KIAA0825: variants seen among roughly 807,000 people sequenced by gnomAD.
KIAA0825 encodes uncharacterized protein KIAA0825.
In KIAA0825, 119 loss-of-function variants were observed where a neutral mutation model predicts 147.6. The ratio of observed to expected loss-of-function variants is 0.81; its 90% CI spans 0.69 to 0.94. The LOEUF (loss-of-function observed/expected upper bound fraction) is 0.94, where lower values mean the gene tolerates loss of function less well. KIAA0825 is among the 40% of genes least tolerant of loss of function. KIAA0825 has a pLI of 0.00. For synonymous variants in KIAA0825, 470 were observed against 518.1 expected (o/e 0.91, Z 1.26); for missense variants, 1,381 against 1,472.7 (o/e 0.94, Z 1.02).
chr5:94,615,735 T>C (rs187196000), intron 1 of KIAA0825: 2 of 152,118 alleles, frequency 1.3e-5, no homozygotes, highest in African/African-American at 4.8e-5. Flanking sequence ...TAAATATTTA[T>C]TTATGTGGTA....
intron 6 of KIAA0825, among the ~76,000 whole-genome samples, chr5:94,477,430 C>A (rs920267865): frequency 6.6e-6 from 1 of 151,646 alleles, no homozygotes; most frequent in African/African-American, 2.4e-5. Context: ...AGATAGAGTC[C>A]TTTTTCACAT....
chr5:94,348,854 A>T (rs1295851328), intron 20 of KIAA0825, among the ~76,000 whole-genome samples: 1 of 152,196 alleles, frequency 6.6e-6, no homozygotes, highest in Admixed American at 6.5e-5. Flanking sequence ...ATCACACAGG[A>T]CCTATAAAAC....
chr5:94,514,629 G>A (rs1032516828), intron 5 of KIAA0825, among the ~76,000 whole-genome samples: 6 of 152,174 alleles, frequency 3.9e-5, no homozygotes, highest in East Asian at 1.9e-4. Context: ...TATAAAATAG[G>A]GACAATATCC....
At chr5:94,486,741 A>G (rs1000784189) in intron 5 of KIAA0825, among the ~76,000 whole-genome samples, 8 of 152,210 alleles carry the variant, frequency 5.3e-5, no homozygotes, top group Middle Eastern at 6.8e-3. Flanking sequence ...GAGAACACAC[A>G]TATTATGTTT....
At chr5:94,473,094 A>G (rs922789493) in intron 8 of KIAA0825, among the ~76,000 whole-genome samples, 198 bp downstream of exon 8, 2 of 152,176 alleles carry the variant, frequency 1.3e-5, no homozygotes, top group African/African-American at 4.8e-5. Context: ...TCATGGAGCA[A>G]CAAGTTAGCA....
At chr5:94,368,937 C>T (rs78557703) in intron 20 of KIAA0825, among the ~76,000 whole-genome samples, 1,726 of 152,052 alleles carry the variant, frequency 0.011, 31 homozygotes, top group African/African-American at 0.04. Context: ...GGAGGTTGAG[C>T]CAAGCAGACT....
At position 94,484,808 on chromosome 5, in the gene KIAA0825, C is replaced by T. The variant is rs749860439; in HGVS notation, c.1093G>A (p.Glu365Lys). 6.0e-6 allele frequency: 9 copies of T among 1,512,324 alleles called. No individual in the cohort carries two copies. Among genetic ancestry groups the T allele is most frequent in the African/African-American group, 5.5e-5 (4 of 72,186 alleles). The allele number at this position is 1,512,324 out of a possible 1,614,324, so 93.7% of individuals were successfully genotyped here. A position where few individuals can be genotyped will look rare whatever the true frequency, so the allele number is the denominator to read the frequency against. ...GTTATCTTGAGTGATAAAAGTATTT[C>T]GTCAAACAATTCTTGAACACCTTTT... is the stretch of plus-strand genomic sequence containing the variant. The part of the protein sequence containing the change: ...LEKGVQELFD[E>K]ILLSLKITRD... Residue 365 changes from glutamate to lysine, a missense_variant, in exon 6 of 21, where the codon GAA (glutamate) becomes AAA (lysine). Coordinates refer to ENST00000682413, the MANE Select transcript of KIAA0825 (RefSeq NM_001145678.3).
intron 20 of KIAA0825, among the ~76,000 whole-genome samples, chr5:94,354,429 A>G (rs1784029596): frequency 2.6e-5 from 4 of 152,130 alleles, no homozygotes; most frequent in Admixed American, 2.6e-4. Flanking sequence ...CAAAACAGAG[A>G]TTGACAAGGA....
intron 20 of KIAA0825, among the ~76,000 whole-genome samples, chr5:94,260,914 A>G (rs1298775679): frequency 6.6e-6 from 1 of 152,186 alleles, no homozygotes; most frequent in Non-Finnish European, 1.5e-5. Flanking sequence ...GTTAATTAAA[A>G]TGTTATATTT....
At chr5:94,475,002 T>C (rs1212281073) in intron 7 of KIAA0825, among the ~76,000 whole-genome samples, 3 of 151,566 alleles carry the variant, frequency 2.0e-5, no homozygotes, top group Admixed American at 2.0e-4. Context: ...GGCAGGAGAA[T>C]CGCTGGAACC....
At chr5:94,275,425 A>C (rs927811825) in intron 20 of KIAA0825, among the ~76,000 whole-genome samples, 4 of 152,190 alleles carry the variant, frequency 2.6e-5, no homozygotes, top group Non-Finnish European at 5.9e-5. Context: ...GATAAACTTT[A>C]GATAGCCTAT....
At chr5:94,457,568 C>T (rs1714465252) in intron 12 of KIAA0825, among the ~76,000 whole-genome samples, 1 of 152,184 alleles carries the variant, frequency 6.6e-6, no homozygotes, top group African/African-American at 2.4e-5. Flanking sequence ...GGCCTCTGTG[C>T]CGACCACGCC....
chr5:94,205,495 G>C (rs1356352161), intron 20 of KIAA0825, among the ~76,000 whole-genome samples: 1 of 151,702 alleles, frequency 6.6e-6, no homozygotes, highest in Non-Finnish European at 1.5e-5. Flanking sequence ...GTTTCACCAT[G>C]TTAGCCAGGA....
At chr5:94,212,992 A>T (rs978549828) in intron 20 of KIAA0825, among the ~76,000 whole-genome samples, 1 of 152,228 alleles carries the variant, frequency 6.6e-6, no homozygotes, top group Non-Finnish European at 1.5e-5. Context: ...TATAAAATAC[A>T]TTATGTACAT....
chr5:94,173,119 C>G (rs989151569), intron 20 of KIAA0825, among the ~76,000 whole-genome samples: 1 of 151,896 alleles, frequency 6.6e-6, no homozygotes, highest in African/African-American at 2.4e-5. Context: ...AGACAATTAG[C>G]GACACTTCTA....
chr5:94,401,377 C>T (rs1004598292), intron 16 of KIAA0825, among the ~76,000 whole-genome samples: 1 of 152,042 alleles, frequency 6.6e-6, no homozygotes, highest in African/African-American at 2.4e-5. Flanking sequence ...ATTCCCAGCA[C>T]TAGTTTTAAA....
At chr5:94,489,937 A>G (rs1186216267) in intron 5 of KIAA0825, among the ~76,000 whole-genome samples, 2 of 152,018 alleles carry the variant, frequency 1.3e-5, no homozygotes, top group Non-Finnish European at 2.9e-5. Flanking sequence ...TAGTAGCTAG[A>G]AAATCATGGA....
chr5:94,290,642 T>C (rs1267982899), intron 20 of KIAA0825, among the ~76,000 whole-genome samples: 1 of 152,250 alleles, frequency 6.6e-6, no homozygotes, highest in East Asian at 1.9e-4. Context: ...CCTTTGGGTA[T>C]ATACCCAGTA....
intron 1 of KIAA0825, among the ~76,000 whole-genome samples, chr5:94,602,948 C>G (rs1162695344): frequency 6.6e-6 from 1 of 151,932 alleles, no homozygotes; most frequent in East Asian, 1.9e-4. Flanking sequence ...CCCACCTCAG[C>G]CTCCCAAGTA....
Sources: gnomAD v4.1 joint callset for allele counts (sites outside exome capture counted in the v4.1 genomes callset) on GRCh38, gnomAD v4.1.1 for gene constraint, MANE v1.5 for transcripts, NCBI Gene and HGNC (gene_info 2026-07-23, HGNC 2026-07-21) for gene names.